GULP1: variants seen among roughly 807,000 people sequenced by gnomAD.
GULP1 encodes the protein PTB domain-containing engulfment adapter protein 1.
In GULP1, 19 loss-of-function variants were observed where a neutral mutation model predicts 40.9. The observed-to-expected ratio is 0.46, with a 90% CI of 0.32 to 0.68. The LOEUF is 0.68. GULP1 is among the 30% of genes least tolerant of loss of function. The probability of loss-of-function intolerance (pLI) is 0.03; values close to 1 mark genes in which losing one functional copy is unlikely to be tolerated. For synonymous variants in GULP1, 119 were observed against 117.6 expected (o/e 1.01, Z -0.08); for missense variants, 312 against 362.2 (o/e 0.86, Z 1.12).
intron 4 of GULP1, among the ~76,000 whole-genome samples, chr2:188,511,710 A>G (rs2064565434): frequency 6.6e-6 from 1 of 152,174 alleles, no homozygotes; most frequent in African/African-American, 2.4e-5. Context: ...AGACTATAAA[A>G]ATAATATACC....
chr2:188,428,583 G>A (rs975898264), intron 2 of GULP1, among the ~76,000 whole-genome samples: 1 of 152,100 alleles, frequency 6.6e-6, no homozygotes, highest in Admixed American at 6.5e-5. Context: ...ATGGCACCTC[G>A]TTCTTCTCTC....
At chr2:188,566,875 A>C (rs540908039) in intron 7 of GULP1, among the ~76,000 whole-genome samples, 53 of 151,990 alleles carry the variant, frequency 3.5e-4, no homozygotes, top group Non-Finnish European at 3.4e-4. Context: ...ATAATTAAAA[A>C]TCCAACCATC....
intron 1 of GULP1, among the ~76,000 whole-genome samples, chr2:188,326,629 T>C (rs2040802746): frequency 1.3e-5 from 2 of 152,176 alleles, no homozygotes; most frequent in South Asian, 4.1e-4. Context: ...CTATATTTGA[T>C]ACCTTTTGAA....
chr2:188,582,534 C>T (rs1701533500), intron 9 of GULP1: 2 of 471,314 alleles, frequency 4.2e-6, no homozygotes, highest in African/African-American at 2.0e-5. Flanking sequence ...TTTCCCAAGC[C>T]AGTCAGTGAG....
At chr2:188,494,548 C>A (rs2062717167) in intron 4 of GULP1, among the ~76,000 whole-genome samples, 1 of 151,958 alleles carries the variant, frequency 6.6e-6, no homozygotes. Flanking sequence ...CTGCTATAGG[C>A]CACCGTCATC....
intron 7 of GULP1, among the ~76,000 whole-genome samples, chr2:188,567,213 G>A (rs1697930171): frequency 6.6e-6 from 1 of 152,194 alleles, no homozygotes; most frequent in African/African-American, 2.4e-5. Flanking sequence ...TATTGTGGAA[G>A]ACAGTGTGGC....
chr2:188,541,568 A>G (rs746448926), intron 7 of GULP1: 25 of 584,864 alleles, frequency 4.3e-5, no homozygotes, highest in Non-Finnish European at 5.7e-5. Flanking sequence ...TTAGAATGCC[A>G]TGCCTGCTTA....
chr2:188,294,054 A>C (rs1202148520), intron 1 of GULP1: 2 of 152,222 alleles, frequency 1.3e-5, no homozygotes, highest in Non-Finnish European at 2.9e-5. Flanking sequence ...TTTCCTTATC[A>C]GTGTTGCAGT....
intron 1 of GULP1, among the ~76,000 whole-genome samples, chr2:188,336,812 G>C (rs1256186066): frequency 6.6e-6 from 1 of 152,188 alleles, no homozygotes; most frequent in Non-Finnish European, 1.5e-5. Flanking sequence ...AGTGTAGCTG[G>C]TGGGAAAAGT....
intron 9 of GULP1, among the ~76,000 whole-genome samples, chr2:188,578,731 C>T (rs531786643): frequency 5.3e-5 from 8 of 152,116 alleles, no homozygotes; most frequent in South Asian, 4.1e-4. Flanking sequence ...CCTGGAACTA[C>T]GAACATAAAG....
intron 2 of GULP1, among the ~76,000 whole-genome samples, chr2:188,418,197 A>G (rs2054851927): frequency 6.6e-6 from 1 of 152,164 alleles, no homozygotes; most frequent in African/African-American, 2.4e-5. Flanking sequence ...TAGTAGAGAA[A>G]CACATTATTT....
intron 1 of GULP1, among the ~76,000 whole-genome samples, chr2:188,370,965 C>T (rs2047527818): frequency 6.6e-6 from 1 of 152,024 alleles, no homozygotes; most frequent in African/African-American, 2.4e-5. Context: ...ACTTTTCATT[C>T]TTTACCCAAA....
At chr2:188,383,140 A>G (rs2049223596) in intron 1 of GULP1, among the ~76,000 whole-genome samples, 1 of 152,206 alleles carries the variant, frequency 6.6e-6, no homozygotes, top group South Asian at 2.1e-4. Flanking sequence ...TGTCAGCGGT[A>G]CATTCGAAAT....
chr2:188,555,751 C>T lies in GULP1; in HGVS notation c.400-13488C>T, dbSNP rs1373178690. On this transcript the variant is annotated intron_variant, in intron 7 of 11. Coordinates refer to ENST00000409830, the MANE Select transcript of GULP1 (RefSeq NM_016315.4). ...TTTCAGTAAGTGGATATTTATATCTCCTGCTAGACTTAGAGAGTTTTCATC... is the reference window on the plus strand; with the variant it reads ...TTTCAGTAAGTGGATATTTATATCTTCTGCTAGACTTAGAGAGTTTTCATC... Among the ~76,000 whole-genome samples, 3 of 152,020 alleles carry T rather than the reference C, an allele frequency of 2.0e-5. No individual in the cohort carries two copies. In the East Asian group the frequency reaches 5.8e-4, roughly 29 times the overall value.
intron 7 of GULP1, among the ~76,000 whole-genome samples, chr2:188,552,663 G>A (rs566788196): frequency 6.6e-6 from 1 of 151,526 alleles, no homozygotes; most frequent in African/African-American, 2.4e-5. Context: ...AATGATGTCA[G>A]TATTTTGATA....
intron 1 of GULP1, among the ~76,000 whole-genome samples, chr2:188,322,014 A>G (rs1298052551): frequency 6.6e-6 from 1 of 152,138 alleles, no homozygotes; most frequent in Non-Finnish European, 1.5e-5. Context: ...AACAGGAGTG[A>G]AACTCTGTCT....
chr2:188,325,375 C>A (rs2040603232), intron 1 of GULP1, among the ~76,000 whole-genome samples: 1 of 151,966 alleles, frequency 6.6e-6, no homozygotes, highest in South Asian at 2.1e-4. Context: ...TAAAATTTTG[C>A]TGTTGTTACT....
chr2:188,465,219 G>A (rs1316577415), intron 2 of GULP1, among the ~76,000 whole-genome samples: 1 of 152,020 alleles, frequency 6.6e-6, no homozygotes, highest in Non-Finnish European at 1.5e-5. Context: ...TTTGTTAAGG[G>A]CATGTTACAA....
At chr2:188,580,443 C>CCAG in intron 9 of GULP1, among the ~76,000 whole-genome samples, 1 of 150,164 alleles carries the variant, frequency 6.7e-6, no homozygotes, top group Non-Finnish European at 1.5e-5. Context: ...GTCCCAGCTA[C>CCAG]TTGGGAGGCT....
Sources: allele counts gnomAD v4.1 joint callset (sites outside exome capture counted in the v4.1 genomes callset), GRCh38; gene constraint gnomAD v4.1.1; transcripts MANE v1.5; gene names NCBI Gene and HGNC (gene_info 2026-07-23, HGNC 2026-07-21).